PATJ: variants seen among roughly 807,000 people sequenced by gnomAD.
The protein encoded by PATJ is inaD-like protein.
A neutral mutation model predicts 224.9 loss-of-function variants in PATJ; 190 were observed. That is an observed-to-expected ratio of 0.84 (90% CI 0.75 to 0.95). The LOEUF (loss-of-function observed/expected upper bound fraction) is 0.95, where lower values mean the gene tolerates loss of function less well. PATJ is among the 40% of genes least tolerant of loss of function. The probability of loss-of-function intolerance (pLI) is 0.00; values close to 1 mark genes in which losing one functional copy is unlikely to be tolerated. For synonymous variants in PATJ, 769 were observed against 820.3 expected (o/e 0.94, Z 1.07); for missense variants, 2,121 against 2,270.3 (o/e 0.93, Z 1.34).
intron 29 of PATJ, among the ~76,000 whole-genome samples, chr1:62,022,575 T>C (rs1249974505): frequency 1.3e-5 from 2 of 152,192 alleles, no homozygotes; most frequent in African/African-American, 2.4e-5. Flanking sequence ...AATGAATTGC[T>C]GTATTTGGCA....
chr1:61,813,415 A>T (rs12734996), intron 14 of PATJ, among the ~76,000 whole-genome samples: 2 of 146,100 alleles, frequency 1.4e-5, no homozygotes, highest in Non-Finnish European at 3.0e-5. Flanking sequence ...ACATATACAT[A>T]TTTGTACTCA....
rs1202087873 is a variant in PATJ, at chr1:61,787,860, C to G, written c.956C>G (p.Ser319Ter). Residue 319 changes from serine to a stop codon, truncating the protein, a stop_gained, in exon 8 of 44, where the codon TCA (serine) becomes TGA (stop). Transcript: ENST00000642238. LOFTEE classifies it high-confidence loss of function. ...CAAGTTCTAAGGAACTGTGGGAATT[C>G]AGTCAGGATGCTCGTTGCTAGAGAT... ...VAQVLRNCGN[S>*]VRMLVARDPA... is the part of the protein sequence containing the mutation. 6.2e-7 allele frequency: 1 copy of G among 1,614,014 alleles called. No homozygotes were observed. The highest frequency in any genetic ancestry group is 1.3e-5 in the African/African-American group (1 of 74,936).
chr1:61,790,799 C>A (rs1423831675), intron 8 of PATJ, among the ~76,000 whole-genome samples: 1 of 151,580 alleles, frequency 6.6e-6, no homozygotes, highest in Non-Finnish European at 1.5e-5. Context: ...GAGGTGTGAG[C>A]CACTGCACCT....
intron 26 of PATJ, among the ~76,000 whole-genome samples, chr1:61,922,483 A>T (rs2498954): frequency 0.46 from 69,580 of 152,014 alleles, 16,625 homozygotes; most frequent in East Asian, 0.8. Context: ...ATCACCCAGA[A>T]CACTGCCTGG....
chr1:61,895,862 A>G (rs1670291405), intron 22 of PATJ, among the ~76,000 whole-genome samples: 1 of 152,184 alleles, frequency 6.6e-6, no homozygotes, highest in South Asian at 2.1e-4. Flanking sequence ...ACTCACCTCC[A>G]GCTTGTGAAA....
intron 43 of PATJ, among the ~76,000 whole-genome samples, chr1:62,158,247 C>T (rs565369800): frequency 2.7e-5 from 4 of 149,478 alleles, no homozygotes; most frequent in South Asian, 2.2e-4. Context: ...TCTACAAATG[C>T]GGCATTGGTA....
Position 61,749,623 on chromosome 1 carries a change from A to G in PATJ, c.-36+7068A>G, listed in dbSNP as rs138034141. The stretch of plus-strand genomic sequence containing the variant: ...CCATCGAATGTTACTTAGTTGTTAC[A>G]GTGGCTGAGCAGGAACTGCCTATAT... On this transcript the variant is annotated intron_variant, in intron 1 of 43. Coordinates refer to ENST00000642238, the MANE Select transcript of PATJ (RefSeq NM_001350145.3). Among the ~76,000 whole-genome samples, 587 of 152,150 alleles carry G rather than the reference A, an allele frequency of 3.9e-3. 3 individuals are homozygous for G. Among genetic ancestry groups the G allele is most frequent in the African/African-American group, 0.013 (558 of 41,530 alleles).
At chr1:61,880,289 T>C (rs4313427) in intron 21 of PATJ, among the ~76,000 whole-genome samples, 134,126 of 152,302 alleles carry the variant, frequency 0.88, 59,165 homozygotes, top group East Asian at 0.99. Context: ...CTATCTCTAA[T>C]GCCTAGAATA....
intron 31 of PATJ, among the ~76,000 whole-genome samples, chr1:62,070,173 T>C (rs1657147719): frequency 6.6e-6 from 1 of 152,254 alleles, no homozygotes. Flanking sequence ...CAGAGGCACT[T>C]ACTTTTGCTC....
At chr1:62,147,040 C>T (rs1259051933) in intron 41 of PATJ, among the ~76,000 whole-genome samples, 1 of 152,028 alleles carries the variant, frequency 6.6e-6, no homozygotes, top group Admixed American at 6.5e-5. Context: ...CAACTGGATC[C>T]ATATATCCAG....
chr1:61,797,378 G>T lies in PATJ; in HGVS notation c.1352G>T (p.Arg451Leu). The change falls in exon 11 of 44, where the codon CGA becomes CTA. Residue 451 changes from arginine to leucine, a missense_variant. Coordinates refer to ENST00000642238, the MANE Select transcript of PATJ (RefSeq NM_001350145.3). Reference sequence around the variant, plus strand: ...CAGGTGGTACACCTAACCCTAGTTCGAAGGAAGACATCCTCATCTACTTCT... The same window carrying T: ...CAGGTGGTACACCTAACCCTAGTTCTAAGGAAGACATCCTCATCTACTTCT... ...AGQVVHLTLV[R>L]RKTSSSTSPL... 1.2e-6 allele frequency: 2 copies of T among 1,613,826 alleles called. No individual in the cohort carries two copies. Among genetic ancestry groups the T allele is most frequent in the Non-Finnish European group, 1.7e-6 (2 of 1,179,798 alleles).
intron 5 of PATJ, among the ~76,000 whole-genome samples, chr1:61,771,148 A>T (rs973682882): frequency 1.3e-5 from 2 of 152,092 alleles, no homozygotes; most frequent in Admixed American, 6.6e-5. Flanking sequence ...CATACTTGCA[A>T]AACCTTGGCG....
rs116339175 is a variant in PATJ, at chr1:62,082,981, T to C, written c.4244-1534T>C. 8.4e-3 allele frequency among the ~76,000 whole-genome samples: 1,277 copies of C among 152,314 alleles called. 19 individuals carry two copies. Among genetic ancestry groups the C allele is most frequent in the African/African-American group, 0.029 (1,187 of 41,562 alleles). On this transcript the variant is annotated intron_variant, in intron 32 of 43. Transcript: ENST00000642238. The stretch of plus-strand genomic sequence containing the variant: ...AATTATATCATAATGTAAGAAACAA[T>C]ACTCATGGTGATCAAACTCAGTTAT...
intron 27 of PATJ, among the ~76,000 whole-genome samples, chr1:61,947,133 A>G (rs2149366935): frequency 6.6e-6 from 1 of 152,308 alleles, no homozygotes; most frequent in Middle Eastern, 3.4e-3. Context: ...CAAAAACTGG[A>G]AGCATTCCCT....
At chr1:61,985,631 A>G (rs1644714002) in intron 27 of PATJ, among the ~76,000 whole-genome samples, 1 of 152,040 alleles carries the variant, frequency 6.6e-6, no homozygotes, top group South Asian at 2.1e-4. Flanking sequence ...AGTGGTCTCC[A>G]TATCACAGGA....
At chr1:62,062,652 C>T (rs1244736236) in intron 31 of PATJ, among the ~76,000 whole-genome samples, 1 of 151,598 alleles carries the variant, frequency 6.6e-6, no homozygotes, top group Non-Finnish European at 1.5e-5. Context: ...CGCACCACCA[C>T]ACTTGGCTAA....
chr1:62,008,980 ATTC>A (rs1164658007), intron 28 of PATJ, among the ~76,000 whole-genome samples: 1 of 152,188 alleles, frequency 6.6e-6, no homozygotes, highest in Non-Finnish European at 1.5e-5. Context: ...ATAATTTATT[ATTC>A]TTCCTTTATA....
At chr1:61,905,113 G>A (rs947396107) in intron 24 of PATJ, among the ~76,000 whole-genome samples, 2 of 152,116 alleles carry the variant, frequency 1.3e-5, no homozygotes, top group Non-Finnish European at 2.9e-5. Flanking sequence ...GGAAATTCAG[G>A]CTGCCAAAAC....
intron 26 of PATJ, among the ~76,000 whole-genome samples, chr1:61,921,919 A>G (rs960527869): frequency 2.0e-5 from 3 of 152,190 alleles, no homozygotes; most frequent in East Asian, 1.9e-4. Flanking sequence ...GTACATGTCA[A>G]TTATACTTCA....
Sources: gnomAD v4.1 joint callset for allele counts (sites outside exome capture counted in the v4.1 genomes callset) on GRCh38, gnomAD v4.1.1 for gene constraint, MANE v1.5 for transcripts, NCBI Gene and HGNC (gene_info 2026-07-23, HGNC 2026-07-21) for gene names.